The following PAQR5 variants were observed in gnomAD, a reference collection of about 807,000 sequenced individuals.
PAQR5 encodes membrane progestin receptor gamma.
A neutral mutation model predicts 34.5 loss-of-function variants in PAQR5; 20 were observed. That is an observed-to-expected ratio of 0.58 (90% CI 0.41 to 0.84). PAQR5 has a LOEUF of 0.84. Ranked by LOEUF, PAQR5 falls within the 40% of genes least tolerant of loss-of-function variation. The pLI is 0.00. For synonymous variants in PAQR5, 131 were observed against 155.6 expected (o/e 0.84, Z 1.18); for missense variants, 378 against 412.7 (o/e 0.92, Z 0.73).
At chr15:69,370,307 A>C (rs2055524384) in intron 3 of PAQR5, among the ~76,000 whole-genome samples, 1 of 152,212 alleles carries the variant, frequency 6.6e-6, no homozygotes, top group South Asian at 2.1e-4. Context: ...TATTTGTAAA[A>C]TGGGTCGACA....
chr15:69,325,706 A>G (rs960036714), intron 1 of PAQR5, among the ~76,000 whole-genome samples: 1 of 152,142 alleles, frequency 6.6e-6, no homozygotes, highest in African/African-American at 2.4e-5. Flanking sequence ...CATTAACCCA[A>G]GCAGCCTACC....
intron 1 of PAQR5, among the ~76,000 whole-genome samples, chr15:69,334,275 A>C (rs2140687852): frequency 6.6e-6 from 1 of 152,214 alleles, no homozygotes; most frequent in Non-Finnish European, 1.5e-5. Flanking sequence ...TGATCCACCC[A>C]CCTCGGCCTT....
Position 69,360,107 on chromosome 15 carries a change from G to A in PAQR5, c.27G>A (p.Leu9=), listed in dbSNP as rs375879939. 150 of 1,613,650 alleles carry A rather than the reference G, an allele frequency of 9.3e-5. 1 individual carries two copies. The highest frequency in any genetic ancestry group is 1.1e-4 in the Non-Finnish European group (131 of 1,179,712). The change falls in exon 3 of 9, where the codon CTG becomes CTA. Residue 9 remains leucine (L), a synonymous_variant. Coordinates refer to ENST00000395407, the MANE Select transcript of PAQR5 (RefSeq NM_017705.4). MLSLKLPR[L]FSIDQIPQVF... The stretch of plus-strand genomic sequence containing the variant: ...TGCTGAGCCTGAAGCTCCCCAGGCT[G>A]TTTAGCATAGACCAGATACCCCAGG...
At chr15:69,402,646 A>T (rs1411957795) in intron 8 of PAQR5, among the ~76,000 whole-genome samples, 2 of 152,224 alleles carry the variant, frequency 1.3e-5, no homozygotes, top group Non-Finnish European at 2.9e-5. Context: ...GACACCAGTC[A>T]TAGTGGATTA....
chr15:69,376,531 G>A (rs1341807090), intron 3 of PAQR5, among the ~76,000 whole-genome samples: 4 of 152,164 alleles, frequency 2.6e-5, no homozygotes, highest in Admixed American at 1.3e-4. Flanking sequence ...GGCAGGGCAG[G>A]TCAGTCCTCT....
At chr15:69,380,140 G>A (rs766095925) in intron 4 of PAQR5, 130 bp downstream of exon 4, 10 of 948,252 alleles carry the variant, frequency 1.1e-5, no homozygotes, top group African/African-American at 3.2e-5. Flanking sequence ...GTGGGTACAC[G>A]CGGGTGAAGG....
At chr15:69,401,433 A>G (rs2056623089) in intron 8 of PAQR5, among the ~76,000 whole-genome samples, 1 of 152,212 alleles carries the variant, frequency 6.6e-6, no homozygotes, top group South Asian at 2.1e-4. Context: ...CTTAGAGAAC[A>G]GATTTCCAAA....
At chr15:69,309,753 A>G (rs2053790386) in intron 1 of PAQR5, among the ~76,000 whole-genome samples, 1 of 152,172 alleles carries the variant, frequency 6.6e-6, no homozygotes, top group Non-Finnish European at 1.5e-5. Flanking sequence ...ATCAGTACCT[A>G]GAAAGCTGCT....
intron 3 of PAQR5, among the ~76,000 whole-genome samples, chr15:69,364,552 A>ATACATTATATATGTAATATATATACAT (rs2055339565): frequency 1.3e-5 from 2 of 148,410 alleles, no homozygotes; most frequent in African/African-American, 2.4e-5. Context: ...TGTTATATAT[A>ATACATTATATATGTAATATATATACAT]TATAACGAGT....
At chr15:69,356,675 C>T (rs748233361) in intron 2 of PAQR5, among the ~76,000 whole-genome samples, 1 of 152,070 alleles carries the variant, frequency 6.6e-6, no homozygotes, top group South Asian at 2.1e-4. Flanking sequence ...AACCACTATC[C>T]AGCTTTCTGT....
At chr15:69,344,753 G>A (rs1258512662) in intron 2 of PAQR5, among the ~76,000 whole-genome samples, 1 of 152,216 alleles carries the variant, frequency 6.6e-6, no homozygotes, top group Non-Finnish European at 1.5e-5. Context: ...AAGAGTGGCT[G>A]TAGTTGTGAA....
chr15:69,358,171 C>G (rs1263338786), intron 2 of PAQR5, among the ~76,000 whole-genome samples: 1 of 151,938 alleles, frequency 6.6e-6, no homozygotes, highest in Non-Finnish European at 1.5e-5. Flanking sequence ...TTTGCTAAAT[C>G]CAAGGTGTAT....
chr15:69,386,214 ACT>A (rs1460240448), intron 5 of PAQR5, among the ~76,000 whole-genome samples: 3 of 150,472 alleles, frequency 2.0e-5, no homozygotes, highest in Admixed American at 1.3e-4. Context: ...ACATTCACAC[ACT>A]CACACTCTCA....
chr15:69,308,872 G>T (rs1022248697), intron 1 of PAQR5, among the ~76,000 whole-genome samples: 2 of 152,014 alleles, frequency 1.3e-5, no homozygotes, highest in African/African-American at 4.8e-5. Context: ...GGCAAGCAGT[G>T]GTGAAGGTGG....
At chr15:69,320,039 G>T (rs1007120921) in intron 1 of PAQR5, among the ~76,000 whole-genome samples, 1 of 152,248 alleles carries the variant, frequency 6.6e-6, no homozygotes, top group Non-Finnish European at 1.5e-5. Flanking sequence ...ATAGGATCTC[G>T]CCTTCCCCCG....
chr15:69,372,589 A>G (rs1347599597), intron 3 of PAQR5, among the ~76,000 whole-genome samples: 3 of 152,176 alleles, frequency 2.0e-5, no homozygotes, highest in Non-Finnish European at 4.4e-5. Flanking sequence ...TTGACTGAAT[A>G]TTGAACACAT....
intron 6 of PAQR5, chr15:69,397,075 C>T (rs1387681873): frequency 2.3e-6 from 1 of 427,922 alleles, no homozygotes; most frequent in South Asian, 1.7e-5. Context: ...AGTGTGCCCC[C>T]CAAGAGTCTG....
At chr15:69,355,820 A>C (rs1350735400) in intron 2 of PAQR5, among the ~76,000 whole-genome samples, 2 of 152,150 alleles carry the variant, frequency 1.3e-5, no homozygotes, top group Admixed American at 1.3e-4. Flanking sequence ...AATGATATAA[A>C]GCATGACTAC....
chr15:69,394,422 A>G (rs2056357491), intron 6 of PAQR5, among the ~76,000 whole-genome samples: 1 of 152,206 alleles, frequency 6.6e-6, no homozygotes, highest in South Asian at 2.1e-4. Context: ...CTCCTACACA[A>G]TAAAACAACC....
Sources: gnomAD v4.1 joint callset for allele counts (sites outside exome capture counted in the v4.1 genomes callset) on GRCh38, gnomAD v4.1.1 for gene constraint, MANE v1.5 for transcripts, NCBI Gene and HGNC (gene_info 2026-07-23, HGNC 2026-07-21) for gene names.